TSPAN9: variants seen among roughly 807,000 people sequenced by gnomAD.
The protein encoded by TSPAN9 is tetraspanin-9.
Under a neutral mutation model 31.0 loss-of-function variants are expected in TSPAN9, and 16 were observed. The ratio of observed to expected loss-of-function variants is 0.52; its 90% CI spans 0.35 to 0.78. The LOEUF (loss-of-function observed/expected upper bound fraction) is 0.78, where lower values mean the gene tolerates loss of function less well. Among genes scored for constraint, TSPAN9 ranks in the 30% least tolerant of loss-of-function variants. TSPAN9 has a pLI of 0.01. For missense variants in TSPAN9, 272 were observed against 312.5 expected (o/e 0.87, Z 0.98); for synonymous variants, 145 against 121.6 (o/e 1.19, Z -1.27).
chr12:3,169,900 G>C (rs1392958420), intron 2 of TSPAN9, among the ~76,000 whole-genome samples: 3 of 151,922 alleles, frequency 2.0e-5, no homozygotes, highest in Non-Finnish European at 4.4e-5. Context: ...TCCCTGAGTG[G>C]GACTCAAGCC....
chr12:3,101,915 C>T (rs1482370531), intron 2 of TSPAN9, among the ~76,000 whole-genome samples: 1 of 152,188 alleles, frequency 6.6e-6, no homozygotes, highest in East Asian at 1.9e-4. Flanking sequence ...GATACTGTCA[C>T]CCTTGATCTG....
chr12:3,210,145 AAAG>A (rs1433582909), intron 3 of TSPAN9, among the ~76,000 whole-genome samples: 4 of 151,726 alleles, frequency 2.6e-5, no homozygotes, highest in Non-Finnish European at 4.4e-5. Context: ...AAAAAAAAAA[AAAG>A]AAAAAAAAGT....
chr12:3,270,714 C>T (rs963105814), intron 3 of TSPAN9, among the ~76,000 whole-genome samples: 1 of 152,242 alleles, frequency 6.6e-6, no homozygotes, highest in Admixed American at 6.5e-5. Context: ...ACGCAGGGCC[C>T]TGACACCCCT....
chr12:3,169,584 A>G (rs969951090), intron 2 of TSPAN9, among the ~76,000 whole-genome samples: 4 of 152,290 alleles, frequency 2.6e-5, no homozygotes, highest in Middle Eastern at 3.4e-3. Context: ...GATAAAAGTA[A>G]TGTGATCCAT....
intron 2 of TSPAN9, among the ~76,000 whole-genome samples, chr12:3,153,576 T>C (rs561326643): frequency 3.3e-4 from 50 of 152,352 alleles, no homozygotes; most frequent in South Asian, 1.2e-3. Flanking sequence ...AGTGGTTACA[T>C]AGGAAATGTT....
At chr12:3,144,102 T>TA (rs1274067094) in intron 2 of TSPAN9, among the ~76,000 whole-genome samples, 2 of 151,170 alleles carry the variant, frequency 1.3e-5, no homozygotes, top group East Asian at 3.9e-4. Context: ...TTTATTTATT[T>TA]TTTATTTATT....
At chr12:3,109,413 A>G (rs1316405265) in intron 2 of TSPAN9, among the ~76,000 whole-genome samples, 1 of 151,668 alleles carries the variant, frequency 6.6e-6, no homozygotes, top group East Asian at 1.9e-4. Context: ...TGAGTGAGGC[A>G]TTAAAAGGTG....
intron 2 of TSPAN9, among the ~76,000 whole-genome samples, chr12:3,088,601 A>G (rs1056352535): frequency 5.3e-5 from 8 of 152,230 alleles, no homozygotes; most frequent in Non-Finnish European, 8.8e-5. Flanking sequence ...GGTCTCCTGG[A>G]CGGAGCAGTT....
At chr12:3,152,319 A>G (rs2098340184) in intron 2 of TSPAN9, among the ~76,000 whole-genome samples, 2 of 152,178 alleles carry the variant, frequency 1.3e-5, no homozygotes, top group African/African-American at 2.4e-5. Flanking sequence ...CTCACCTGCC[A>G]CAGGGTTTGG....
chr12:3,163,493 A>G (rs1317404165), intron 2 of TSPAN9, among the ~76,000 whole-genome samples: 2 of 152,064 alleles, frequency 1.3e-5, no homozygotes. Flanking sequence ...ACCCCGCTAC[A>G]CCTAGGATGG....
chr12:3,192,961 A>G lies in TSPAN9; in HGVS notation c.-17-8216A>G, dbSNP rs1284436108. Among the ~76,000 whole-genome samples, 1 of 152,220 alleles carries G rather than the reference A, an allele frequency of 6.6e-6. No individual in the cohort carries two copies. Among genetic ancestry groups the G allele is most frequent in the Non-Finnish European group, 1.5e-5 (1 of 68,028 alleles). On this transcript the variant is annotated intron_variant, in intron 2 of 8. Transcript: ENST00000011898. The surrounding 1 kb of genome is among the most constrained non-coding windows in gnomAD (Gnocchi z 4.6). Reference sequence around the variant, plus strand: ...GGGAATGATAATAGTGCCTCCATCCATTGAACAGCTTCTGTGTTCCCTCGT... The same window carrying G: ...GGGAATGATAATAGTGCCTCCATCCGTTGAACAGCTTCTGTGTTCCCTCGT...
At chr12:3,278,758 C>T in intron 4 of TSPAN9, 146 bp downstream of exon 4, 4 of 1,165,976 alleles carry the variant, frequency 3.4e-6, no homozygotes, top group Non-Finnish European at 4.8e-6. Flanking sequence ...TAGGCTTGAC[C>T]ACACCCCTCC....
intron 2 of TSPAN9, among the ~76,000 whole-genome samples, chr12:3,162,314 A>G (rs1424854133): frequency 2.0e-5 from 3 of 152,246 alleles, no homozygotes; most frequent in African/African-American, 7.2e-5. Flanking sequence ...TCAATCATCC[A>G]GCTTCAGGTA....
At chr12:3,232,652 G>A (rs939857384) in intron 3 of TSPAN9, among the ~76,000 whole-genome samples, 1 of 152,242 alleles carries the variant, frequency 6.6e-6, no homozygotes, top group Non-Finnish European at 1.5e-5. Flanking sequence ...GGTCAGGAGT[G>A]GAGACTGGGC....
At chr12:3,175,113 C>G (rs1020196533) in intron 2 of TSPAN9, among the ~76,000 whole-genome samples, 2 of 129,292 alleles carry the variant, frequency 1.5e-5, no homozygotes, top group African/African-American at 5.1e-5. Flanking sequence ...CCCTGCAGGG[C>G]GAGGCTGGGG....
chr12:3,130,858 C>T (rs2098329519), intron 2 of TSPAN9, among the ~76,000 whole-genome samples: 2 of 152,092 alleles, frequency 1.3e-5, no homozygotes, highest in East Asian at 3.9e-4. Context: ...TTTTTTGTGG[C>T]GACCTTGATT....
intron 1 of TSPAN9, among the ~76,000 whole-genome samples, chr12:3,081,155 C>T (rs2098297606): frequency 1.3e-5 from 2 of 152,258 alleles, no homozygotes; most frequent in South Asian, 4.1e-4. Context: ...TCATATACAG[C>T]AGGTGTGCAG....
chr12:3,219,885 TGGCCCACGCC>T (rs549539119), intron 3 of TSPAN9, among the ~76,000 whole-genome samples: 275 of 149,080 alleles, frequency 1.8e-3, no homozygotes, highest in African/African-American at 6.6e-3. Flanking sequence ...CTGGGTGCTG[TGGCCCACGCC>T]GGTAATCCCA....
intron 2 of TSPAN9, among the ~76,000 whole-genome samples, chr12:3,096,566 T>C (rs1304742099): frequency 6.6e-6 from 1 of 152,026 alleles, no homozygotes; most frequent in Non-Finnish European, 1.5e-5. Flanking sequence ...GCACTTGTGA[T>C]CTAAGAGATG....
Sources: gnomAD v4.1 joint callset for allele counts (sites outside exome capture counted in the v4.1 genomes callset) on GRCh38, gnomAD v4.1.1 for gene constraint, Gnocchi (gnomAD v3.1) non-coding constraint, MANE v1.5 for transcripts, NCBI Gene and HGNC (gene_info 2026-07-23, HGNC 2026-07-21) for gene names.